The following SRRM4 variants were observed in gnomAD, a reference collection of about 807,000 sequenced individuals.
The protein encoded by SRRM4 is serine/arginine repetitive matrix 4.
In SRRM4, 33 loss-of-function variants were observed where a neutral mutation model predicts 68.9. The observed-to-expected ratio is 0.48, with a 90% confidence interval of 0.36 to 0.64. SRRM4 has a LOEUF of 0.64. Among genes scored for constraint, SRRM4 ranks in the 30% least tolerant of loss-of-function variants. SRRM4 has a pLI of 0.00. For missense variants in SRRM4, 817 were observed against 827.1 expected (o/e 0.99, Z 0.15); for synonymous variants, 318 against 318.8 (o/e 1.00, Z 0.03).
At chr12:119,104,885 A>G (rs556099516) in intron 2 of SRRM4, among the ~76,000 whole-genome samples, 49 of 151,492 alleles carry the variant, frequency 3.2e-4, no homozygotes, top group Non-Finnish European at 6.0e-4. Flanking sequence ...TTTGTTACAT[A>G]TGTATACATG....
intron 1 of SRRM4, among the ~76,000 whole-genome samples, chr12:118,987,823 C>T (rs1953291962): frequency 6.6e-6 from 1 of 152,098 alleles, no homozygotes; most frequent in Admixed American, 6.5e-5. Context: ...CTAGTGAGGG[C>T]CTCAGAGTTT....
At chr12:119,105,507 C>T (rs1471041701) in intron 2 of SRRM4, among the ~76,000 whole-genome samples, 1 of 152,160 alleles carries the variant, frequency 6.6e-6, no homozygotes, top group African/African-American at 2.4e-5. Flanking sequence ...TTAATGATCG[C>T]CATTCTAACT....
intron 1 of SRRM4, among the ~76,000 whole-genome samples, chr12:119,037,197 G>A (rs916238572): frequency 6.6e-6 from 1 of 152,150 alleles, no homozygotes; most frequent in African/African-American, 2.4e-5. Flanking sequence ...ATGGGGGTTT[G>A]GGGGATAGGG....
chr12:119,026,467 C>T (rs1462507697), intron 1 of SRRM4, among the ~76,000 whole-genome samples: 2 of 152,006 alleles, frequency 1.3e-5, no homozygotes, highest in Non-Finnish European at 2.9e-5. Context: ...GTGTGCTAGA[C>T]ACAGTGTATG....
In SRRM4 at chr12:119,160,204, A is replaced by C. The variant is rs1246753014; in HGVS notation, c.*3406A>C. 1 of 151,768 alleles carries C rather than the reference A, an allele frequency of 6.6e-6. No homozygotes were observed. Among genetic ancestry groups the C allele is most frequent in the African/African-American group, 2.4e-5 (1 of 41,282 alleles). The allele number at this position is 151,768 out of a possible 1,614,324, so 9.4% of individuals were successfully genotyped here. ...AAGGGAGTGCCCCTTTCCTGGGTGA[A>C]GTTTACAAGAAGGCTGCTTAAATGC... On this transcript the variant is annotated 3_prime_UTR_variant, in exon 13 of 13. Coordinates refer to ENST00000267260, the MANE Select transcript of SRRM4 (RefSeq NM_194286.4).
chr12:118,997,830 G>T (rs1479889697), intron 1 of SRRM4, among the ~76,000 whole-genome samples: 1 of 151,988 alleles, frequency 6.6e-6, no homozygotes, highest in Non-Finnish European at 1.5e-5. Flanking sequence ...ATTATCTCCA[G>T]TTTACAGAGG....
At chr12:119,114,809 C>T (rs1007985357) in intron 3 of SRRM4, among the ~76,000 whole-genome samples, 4 of 151,638 alleles carry the variant, frequency 2.6e-5, no homozygotes, top group Non-Finnish European at 4.4e-5. Context: ...TGACTACAGG[C>T]GCCCGCCACC....
intron 8 of SRRM4, among the ~76,000 whole-genome samples, chr12:119,144,782 T>G (rs1954390483): frequency 6.6e-6 from 1 of 152,120 alleles, no homozygotes; most frequent in Non-Finnish European, 1.5e-5. Context: ...GACTTTATAT[T>G]TAAAAAAACA....
chr12:119,125,351 C>G, intron 6 of SRRM4, 30 bp from the exon 7 acceptor site: 1 of 1,597,992 alleles, frequency 6.3e-7, no homozygotes. Context: ...CTCTCCTCTC[C>G]TCTGACTCGT....
At chr12:119,156,405 A>C in intron 12 of SRRM4, 90 bp from the exon 13 acceptor site, 1 of 1,464,514 alleles carries the variant, frequency 6.8e-7, no homozygotes, top group Non-Finnish European at 9.0e-7. Context: ...GAAAGGGAGG[A>C]TATTGGTTTC....
rs550610410 is a variant in SRRM4, at chr12:119,047,753, C to T, written c.132-54483C>T. Among the ~76,000 whole-genome samples the T allele has an allele frequency of 1.8e-4, 28 of 152,328 alleles. No homozygotes were observed. The East Asian group carries it at 5.4e-3, about 29-fold the overall frequency. On this transcript the variant is annotated intron_variant, in intron 1 of 12. Transcript: ENST00000267260. ...AGGCAAGTGGGAAAACACAATCTTT[C>T]TTAAGGCCTAAGCCTGGAGCTGGTA... is the stretch of plus-strand genomic sequence containing the variant.
In SRRM4 at chr12:119,145,461, G is replaced by A; in HGVS notation, c.852G>A (p.Glu284=). ...PLTTSRGRSQ[E]YDSGNDTSSP... is the part of the protein sequence containing the mutation. Reference sequence around the variant, plus strand: ...CCACCTCGCGAGGACGTTCCCAGGAGTACGACTCAGGAAATGACACGTCCT... The same window carrying A: ...CCACCTCGCGAGGACGTTCCCAGGAATACGACTCAGGAAATGACACGTCCT... Residue 284 remains glutamate, a synonymous_variant, in exon 9 of 13, where the codon GAG becomes GAA. Transcript: ENST00000267260. The A allele has an allele frequency of 6.2e-7, 1 of 1,609,800 alleles. No homozygotes were observed. The highest frequency in any genetic ancestry group is 1.3e-5 in the African/African-American group (1 of 74,918).
intron 1 of SRRM4, among the ~76,000 whole-genome samples, chr12:119,073,044 T>A (rs1376495021): frequency 6.6e-6 from 1 of 150,940 alleles, no homozygotes; most frequent in Non-Finnish European, 1.5e-5. Flanking sequence ...CACTACTGGG[T>A]GATCTGAGTG....
intron 1 of SRRM4, among the ~76,000 whole-genome samples, chr12:119,042,803 G>A (rs548294981): frequency 7.2e-5 from 11 of 152,044 alleles, no homozygotes; most frequent in Non-Finnish European, 1.5e-4. Context: ...AGAGATGGGG[G>A]CATGTGATAG....
chr12:119,097,992 T>C (rs1954055855), intron 1 of SRRM4, among the ~76,000 whole-genome samples: 2 of 152,250 alleles, frequency 1.3e-5, no homozygotes, highest in Admixed American at 6.5e-5. Context: ...GAGTTCAGAA[T>C]TATATTCTTA....
chr12:119,129,708 G>C (rs1337163468), intron 7 of SRRM4, among the ~76,000 whole-genome samples: 1 of 152,180 alleles, frequency 6.6e-6, no homozygotes, highest in African/African-American at 2.4e-5. Context: ...CCAGGTACAT[G>C]AAGTAGTATT....
In SRRM4 at chr12:119,126,668, T is replaced by C. The variant is rs117524361; in HGVS notation, c.614+1189T>C. Among the ~76,000 whole-genome samples the C allele has an allele frequency of 4.8e-3, 730 of 152,272 alleles. 27 individuals are homozygous for C. The East Asian group carries it at 0.089, about 19-fold the overall frequency. ...GTCCCAACCTGAGAAGGCATCTTGT[T>C]GATGAGAAGAAGGAGGAAGGGAAGG... On this transcript the variant is annotated intron_variant, in intron 7 of 12. Coordinates refer to ENST00000267260, the MANE Select transcript of SRRM4 (RefSeq NM_194286.4).
intron 1 of SRRM4, among the ~76,000 whole-genome samples, chr12:119,078,017 A>T (rs1953926631): frequency 7.0e-6 from 1 of 143,566 alleles, no homozygotes; most frequent in African/African-American, 2.6e-5. Context: ...GCATCTAGGC[A>T]TATCCAGCTG....
chr12:118,989,054 T>C (rs1594015641), intron 1 of SRRM4, among the ~76,000 whole-genome samples: 1 of 152,034 alleles, frequency 6.6e-6, no homozygotes, highest in East Asian at 1.9e-4. Flanking sequence ...CAGAAGATGA[T>C]TCCCAGGATG....
Sources: allele counts gnomAD v4.1 joint callset (sites outside exome capture counted in the v4.1 genomes callset), GRCh38; gene constraint gnomAD v4.1.1; transcripts MANE v1.5; gene names NCBI Gene and HGNC (gene_info 2026-07-23, HGNC 2026-07-21).